The following SMG6 variants were observed in gnomAD, a reference collection of about 807,000 sequenced individuals.
SMG6 encodes the protein telomerase-binding protein EST1A.
Under a neutral mutation model 142.2 loss-of-function variants are expected in SMG6, and 66 were observed. The ratio of observed to expected loss-of-function variants is 0.46; its 90% CI spans 0.38 to 0.57. SMG6 has a LOEUF of 0.57. SMG6 is among the 20% of genes least tolerant of loss of function. SMG6 has a pLI of 0.00. For missense variants in SMG6, 1,793 were observed against 1,832.0 expected (o/e 0.98, Z 0.39); for synonymous variants, 779 against 702.4 (o/e 1.11, Z -1.72).
intron 13 of SMG6, among the ~76,000 whole-genome samples, chr17:2,153,820 G>A (rs1428914261): frequency 2.8e-5 from 3 of 108,668 alleles, no homozygotes. Flanking sequence ...GGGAACCTGG[G>A]GATGCATGTA....
At chr17:2,067,359 G>A (rs2067981194) in intron 16 of SMG6, among the ~76,000 whole-genome samples, 1 of 152,136 alleles carries the variant, frequency 6.6e-6, no homozygotes, top group South Asian at 2.1e-4. Context: ...AGCCTGGGAC[G>A]GCGTCTGAGG....
At chr17:2,108,836 C>T (rs763497599) in intron 13 of SMG6, among the ~76,000 whole-genome samples, 8 of 151,938 alleles carry the variant, frequency 5.3e-5, no homozygotes, top group Admixed American at 4.6e-4. Flanking sequence ...CGCAGCTACT[C>T]GGGAGGCTGA....
chr17:2,236,383 G>C (rs190881682), intron 10 of SMG6, 109 bp downstream of exon 10: 3 of 1,075,090 alleles, frequency 2.8e-6, no homozygotes, highest in Non-Finnish European at 4.1e-6. Flanking sequence ...GTGTGTGTTC[G>C]GGGGTGGGGT....
chr17:2,275,378 C>T (rs1295631151), intron 8 of SMG6, among the ~76,000 whole-genome samples: 4 of 152,140 alleles, frequency 2.6e-5, no homozygotes, highest in African/African-American at 4.8e-5. Flanking sequence ...GCTGAGATCA[C>T]GCCGCTGCAC....
chr17:2,283,476 C>G lies in SMG6; in HGVS notation c.2448+149G>C. The G allele has an allele frequency of 4.5e-6, 3 of 659,564 alleles. No homozygotes were observed. The East Asian group carries it at 8.1e-5, about 18-fold the overall frequency. 40.9% of individuals were successfully genotyped at this position (659,564 alleles called of 1,614,324 possible). A position where few individuals can be genotyped will look rare whatever the true frequency, so the allele number is the denominator to read the frequency against. ...CCATTTAAGGACACTATGAGTCATT[C>G]CCCGAGGACACACAGACACTGAGCA... On this transcript the variant is annotated intron_variant, in intron 7 of 18. Transcript: ENST00000263073.
chr17:2,246,402 G>A (rs1482212116), intron 8 of SMG6, among the ~76,000 whole-genome samples: 1 of 152,172 alleles, frequency 6.6e-6, no homozygotes, highest in Non-Finnish European at 1.5e-5. Context: ...TTAATCCTCT[G>A]ACAAAACAGA....
At chr17:2,286,307 CAAAAAAA>C (rs74656326) in intron 6 of SMG6, among the ~76,000 whole-genome samples, 1 of 89,316 alleles carries the variant, frequency 1.1e-5, no homozygotes, top group Non-Finnish European at 2.3e-5. Flanking sequence ...CTCAAATGGC[CAAAAAAA>C]AAAAAAAAAA....
At chr17:2,070,770 T>C (rs1231518520) in intron 15 of SMG6, among the ~76,000 whole-genome samples, 4 of 152,070 alleles carry the variant, frequency 2.6e-5, no homozygotes, top group African/African-American at 4.8e-5. Flanking sequence ...TCTCACCTCA[T>C]GAGAGCAAGG....
At chr17:2,269,219 CAA>C (rs746635212) in intron 8 of SMG6, among the ~76,000 whole-genome samples, 34,863 of 81,442 alleles carry the variant, frequency 0.43, 5,541 homozygotes, top group African/African-American at 0.54. Flanking sequence ...GACTCCATCT[CAA>C]AAAAAAAAAA....
At chr17:2,275,974 T>A (rs2074639466) in intron 8 of SMG6, among the ~76,000 whole-genome samples, 1 of 152,232 alleles carries the variant, frequency 6.6e-6, no homozygotes, top group Non-Finnish European at 1.5e-5. Flanking sequence ...CTAGTTGGGA[T>A]GTTACCACTG....
intron 6 of SMG6, among the ~76,000 whole-genome samples, chr17:2,291,298 T>C (rs1286360556): frequency 1.3e-5 from 2 of 150,144 alleles, no homozygotes; most frequent in East Asian, 2.0e-4. Flanking sequence ...GCCACTGCAC[T>C]CCAGCCTGAG....
chr17:2,303,570 G>A, intron 1 of SMG6, 63 bp downstream of exon 1: 2 of 1,358,802 alleles, frequency 1.5e-6, no homozygotes, highest in East Asian at 3.1e-5. Context: ...GGAGGAGGCA[G>A]AGGAGGAGGA....
chr17:2,169,562 A>C (rs1342888613), intron 13 of SMG6, among the ~76,000 whole-genome samples: 1 of 152,130 alleles, frequency 6.6e-6, no homozygotes, highest in African/African-American at 2.4e-5. Context: ...CCGAGTACAG[A>C]GTGTTTCCGG....
At chr17:2,268,895 G>C (rs1393440878) in intron 8 of SMG6, among the ~76,000 whole-genome samples, 8 of 142,696 alleles carry the variant, frequency 5.6e-5, no homozygotes, top group Non-Finnish European at 1.1e-4. Context: ...CTGGGCGACA[G>C]AGTTAGACTT....
At chr17:2,101,428 A>G (rs1361834439) in intron 13 of SMG6, 1 of 152,200 alleles carries the variant, frequency 6.6e-6, no homozygotes, top group Non-Finnish European at 1.5e-5. Flanking sequence ...TGATACTTTT[A>G]GGATCTAGAA....
At chr17:2,107,313 C>T (rs1366375201) in intron 13 of SMG6, among the ~76,000 whole-genome samples, 1 of 152,150 alleles carries the variant, frequency 6.6e-6, no homozygotes, top group Non-Finnish European at 1.5e-5. Flanking sequence ...TGATCCCAAA[C>T]ACAAATGGGG....
chr17:2,085,820 C>G lies in SMG6; in HGVS notation c.3439G>C (p.Ala1147Pro). 1 of 1,614,164 alleles carries G rather than the reference C, an allele frequency of 6.2e-7. No individual in the cohort carries two copies. Among genetic ancestry groups the G allele is most frequent in the East Asian group, 2.2e-5 (1 of 44,884 alleles). The change falls in exon 14 of 19, where the codon GCA becomes CCA. Residue 1147 changes from alanine to proline, a missense_variant. Around this residue, in one of 3 missense-constraint regions of SMG6, gnomAD observed 1,597 missense variants for 1,584.6 expected, o/e 1.01. Transcript: ENST00000263073. The surrounding 1 kb of genome is among the most constrained non-coding windows in gnomAD (Gnocchi z 4.1). ...GACACATACTTTCCACCCTTGAATG[C>G]CAGCAGAGGCTCTTCTTGTCCACAA... ...ALCGQEEPLLAFKGGKYVSVA... is the reference protein window; with the variant it reads ...ALCGQEEPLLPFKGGKYVSVA...
At chr17:2,174,426 G>A (rs1300417835) in intron 12 of SMG6, among the ~76,000 whole-genome samples, 1 of 152,200 alleles carries the variant, frequency 6.6e-6, no homozygotes, top group Admixed American at 6.5e-5. Flanking sequence ...TGGAGCAGAG[G>A]TATGGGAACT....
At chr17:2,123,899 G>C (rs1265015369) in intron 13 of SMG6, among the ~76,000 whole-genome samples, 3 of 152,234 alleles carry the variant, frequency 2.0e-5, no homozygotes, top group Non-Finnish European at 4.4e-5. Context: ...AGCAGGAAGA[G>C]AGTGCTATCT....
Sources: allele counts gnomAD v4.1 joint callset (sites outside exome capture counted in the v4.1 genomes callset), GRCh38; gene constraint gnomAD v4.1.1; regional missense constraint gnomAD v4.1.1; non-coding constraint Gnocchi (gnomAD v3.1); transcripts MANE v1.5; gene names NCBI Gene and HGNC (gene_info 2026-07-23, HGNC 2026-07-21).